The following KNTC1 variants were observed in gnomAD, a reference collection of about 807,000 sequenced individuals.
KNTC1 encodes kinetochore-associated protein 1.
In KNTC1, 253 loss-of-function variants were observed where a neutral mutation model predicts 314.4. That is an observed-to-expected ratio of 0.80 (90% CI 0.73 to 0.89). The LOEUF (loss-of-function observed/expected upper bound fraction) is 0.89. Ranked by LOEUF, KNTC1 falls within the 40% of genes least tolerant of loss-of-function variation. KNTC1 has a pLI of 0.00. For synonymous variants in KNTC1, 901 were observed against 901.4 expected (o/e 1.00, Z 0.01); for missense variants, 2,475 against 2,572.9 (o/e 0.96, Z 0.82).
intron 19 of KNTC1, 34 bp downstream of exon 19, chr12:122,562,008 G>C (rs1191629622): frequency 6.4e-7 from 1 of 1,570,478 alleles, no homozygotes; most frequent in South Asian, 1.1e-5. Context: ...TAATATGTGG[G>C]TGAATATACC....
intron 40 of KNTC1, among the ~76,000 whole-genome samples, 199 bp from the exon 41 acceptor site, chr12:122,590,408 T>C (rs1870018362): frequency 6.6e-6 from 1 of 152,210 alleles, no homozygotes; most frequent in Non-Finnish European, 1.5e-5. Context: ...CATGAAACAC[T>C]TCTTCTGTAG....
At position 122,557,591 on chromosome 12, in the gene KNTC1, G is replaced by A. The variant is rs1446396930; in HGVS notation, c.1399-9G>A. ...GGTTGCCTTACTGTGTCTGGCATTT[G>A]TGAAACAGGATGATGAATTTGTGGT... On this transcript the variant is annotated splice_polypyrimidine_tract_variant and intron_variant, in intron 17 of 63. Transcript: ENST00000333479. 1 of 1,612,782 alleles carries A rather than the reference G, an allele frequency of 6.2e-7. No individual in the cohort carries two copies. Among genetic ancestry groups the A allele is most frequent in the Non-Finnish European group, 8.5e-7 (1 of 1,179,342 alleles).
At chr12:122,610,785 A>C in intron 52 of KNTC1, 37 bp from the exon 53 acceptor site, 15 of 1,347,372 alleles carry the variant, frequency 1.1e-5, no homozygotes, top group Non-Finnish European at 1.6e-5. Flanking sequence ...TCCATCACTA[A>C]ATTAAAAAAT....
intron 6 of KNTC1, among the ~76,000 whole-genome samples, chr12:122,542,718 C>G (rs191765578): frequency 1.2e-3 from 184 of 152,024 alleles, no homozygotes; most frequent in African/African-American, 4.4e-3. Flanking sequence ...GAGCTGAGAT[C>G]ACGCTGTTGC....
intron 32 of KNTC1, 150 bp downstream of exon 32, chr12:122,580,127 C>A: frequency 1.6e-6 from 1 of 609,252 alleles, no homozygotes; most frequent in South Asian, 2.1e-5. Context: ...CATGAAAAGT[C>A]TTCCTTTATT....
intron 43 of KNTC1, 110 bp from the exon 44 acceptor site, chr12:122,597,621 A>T (rs1409115017): frequency 9.4e-6 from 8 of 855,562 alleles, no homozygotes; most frequent in Admixed American, 6.2e-5. Context: ...CTGGACAATG[A>T]CAAGGTTAAA....
chr12:122,547,619 A>C, intron 11 of KNTC1, 89 bp downstream of exon 11: 1 of 849,834 alleles, frequency 1.2e-6, no homozygotes, highest in Non-Finnish European at 1.9e-6. Context: ...ATTATGTTTT[A>C]CATTCTAAAC....
chr12:122,604,781 G>T, intron 49 of KNTC1, 96 bp from the exon 50 acceptor site: 1 of 1,309,308 alleles, frequency 7.6e-7, no homozygotes. Context: ...CATAACTGAG[G>T]AAGGGGGGAG....
chr12:122,604,695 T>G, intron 49 of KNTC1, 58 bp downstream of exon 49: 1 of 1,310,230 alleles, frequency 7.6e-7, no homozygotes, highest in Non-Finnish European at 1.1e-6. Context: ...TTGTACTAGC[T>G]TAATTTACCT....
intron 16 of KNTC1, among the ~76,000 whole-genome samples, chr12:122,555,415 G>T (rs1015344686): frequency 2.0e-5 from 3 of 152,170 alleles, no homozygotes; most frequent in Non-Finnish European, 2.9e-5. Flanking sequence ...AGCTGGGCAT[G>T]GCAGTGGATG....
chr12:122,527,256 G>A lies in KNTC1; in HGVS notation c.-169G>A, dbSNP rs2137605524. The A allele has an allele frequency of 2.6e-5, 7 of 267,454 alleles. No individual in the cohort carries two copies. Among genetic ancestry groups the A allele is most frequent in the Non-Finnish European group, 4.3e-5 (6 of 138,550 alleles). The allele number at this position is 267,454 out of a possible 1,614,324, so 16.6% of individuals were successfully genotyped here. A position where few individuals can be genotyped will look rare whatever the true frequency, so the allele number is the denominator to read the frequency against. The stretch of plus-strand genomic sequence containing the variant: ...GTTTAGTGTTCTCCCGCCAATTTAA[G>A]CCTGTGGCATGGAACCTAAAGACTA... On this transcript the variant is annotated 5_prime_UTR_variant, in exon 1 of 64. Transcript: ENST00000333479.
chr12:122,538,395 G>A lies in KNTC1; in HGVS notation c.307G>A (p.Glu103Lys), dbSNP rs971928204. The A allele has an allele frequency of 1.3e-5, 21 of 1,606,224 alleles. No homozygotes were observed. Among genetic ancestry groups the A allele is most frequent in the African/African-American group, 2.7e-5 (2 of 74,848 alleles). Reference protein sequence around the residue: ...CQEGKFLLVGERSGNLHLIHV... With the variant: ...CQEGKFLLVGKRSGNLHLIHV... The stretch of plus-strand genomic sequence containing the variant: ...AGAAGGAAAGTTTCTTTTGGTTGGC[G>A]AGAGAAGTGGCAACCTACATCTTAT... The change falls in exon 4 of 64, where the codon GAG becomes AAG. Residue 103 changes from glutamate (E) to lysine (K), a missense_variant. By Grantham distance (56) the Glu-to-Lys change is moderately conservative. Transcript: ENST00000333479.
intron 2 of KNTC1, among the ~76,000 whole-genome samples, chr12:122,531,399 G>C (rs1445318019): frequency 1.3e-5 from 2 of 151,922 alleles, no homozygotes; most frequent in African/African-American, 4.8e-5. Flanking sequence ...GTAGAGATGG[G>C]GTTGCCCAGG....
At chr12:122,541,053 C>T (rs1047702407) in intron 5 of KNTC1, among the ~76,000 whole-genome samples, 1 of 151,914 alleles carries the variant, frequency 6.6e-6, no homozygotes, top group African/African-American at 2.4e-5. Context: ...TGTCTGTAGT[C>T]CCACTTTCTC....
intron 53 of KNTC1, 188 bp from the exon 54 acceptor site, chr12:122,612,924 G>A: frequency 1.8e-6 from 1 of 553,822 alleles, no homozygotes; most frequent in Non-Finnish European, 3.2e-6. Flanking sequence ...GGAGTCTCAG[G>A]AATGCCCCTT....
chr12:122,566,758 G>GTTTT lies in KNTC1; in HGVS notation c.1605-1485_1605-1482dup, dbSNP rs35657504. 1.8e-4 allele frequency among the ~76,000 whole-genome samples: 17 copies of GTTTT among 92,422 alleles called. 2 individuals are homozygous for GTTTT. Among genetic ancestry groups the GTTTT allele is most frequent in the African/African-American group, 2.2e-4 (5 of 22,984 alleles). 60.6% of individuals were successfully genotyped at this position (92,422 alleles called of 152,430 possible). On this transcript the variant is annotated intron_variant, in intron 20 of 63. Coordinates refer to ENST00000333479, the MANE Select transcript of KNTC1 (RefSeq NM_014708.6). The stretch of plus-strand genomic sequence containing the variant: ...GGATTTTGCCATGTTGTCCAGGCTG[G>GTTTT]TTTTTTTTTTTTTTTTTTTTTGAGG...
Position 122,615,021 on chromosome 12 carries a change from G to A in KNTC1, c.5908G>A (p.Glu1970Lys). ...AVRLVTELCL[E>K]YKIYDLQLWN... ...AAGATTGGTGACTGAGCTGTGTTTA[G>A]AATACAAAATCTATGACCTGCAGCT... Residue 1970 changes from glutamate (E) to lysine (K), a missense_variant, in exon 56 of 64, where the codon GAA (glutamate) becomes AAA (lysine). Physicochemically the swap from Glu to Lys is moderately conservative, Grantham distance 56. Coordinates refer to ENST00000333479, the MANE Select transcript of KNTC1 (RefSeq NM_014708.6). 6.2e-7 allele frequency: 1 copy of A among 1,613,444 alleles called. No individual in the cohort carries two copies. The highest frequency in any genetic ancestry group is 8.5e-7 in the Non-Finnish European group (1 of 1,179,694).
intron 37 of KNTC1, among the ~76,000 whole-genome samples, chr12:122,586,275 T>C (rs1464892906): frequency 6.6e-6 from 1 of 152,054 alleles, no homozygotes; most frequent in African/African-American, 2.4e-5. Context: ...AGAGATGGGG[T>C]TTCACCATGT....
chr12:122,605,024 A>G lies in KNTC1; in HGVS notation c.5323A>G (p.Ser1775Gly), dbSNP rs749708041. The G allele has an allele frequency of 1.8e-5, 29 of 1,613,402 alleles. No individual in the cohort carries two copies. Among genetic ancestry groups the G allele is most frequent in the Non-Finnish European group, 2.1e-5 (25 of 1,179,688 alleles). The change falls in exon 50 of 64, where the codon AGT becomes GGT. Residue 1775 changes from serine (S) to glycine (G), a missense_variant. Coordinates refer to ENST00000333479, the MANE Select transcript of KNTC1 (RefSeq NM_014708.6). ...CGGAAAGCCAGCACATCTTATTGTC[A>G]GTCTCTACGAACATCCTAGCATCAA... ...VIGKPAHLIV[S>G]LYEHPSINQR...
Sources: gnomAD v4.1 joint callset for allele counts (sites outside exome capture counted in the v4.1 genomes callset) on GRCh38, gnomAD v4.1.1 for gene constraint, MANE v1.5 for transcripts, NCBI Gene and HGNC (gene_info 2026-07-23, HGNC 2026-07-21) for gene names.